Variants in POU2F1 observed in about 807,000 individuals in gnomAD.
POU2F1 encodes POU class 2 homeobox 1.
In POU2F1, 16 loss-of-function variants were observed where a neutral mutation model predicts 84.9. The observed-to-expected ratio is 0.19, with a 90% confidence interval of 0.13 to 0.29. The LOEUF is 0.29. Among genes scored for constraint, POU2F1 ranks in the 10% least tolerant of loss-of-function variants. The probability of loss-of-function intolerance (pLI) is 1.00; values close to 1 mark genes in which losing one functional copy is unlikely to be tolerated. For synonymous variants in POU2F1, 368 were observed against 368.3 expected (o/e 1.00, Z 0.01); for missense variants, 738 against 942.6 (o/e 0.78, Z 2.84).
chr1:167,409,761 A>G (rs1338869272), intron 13 of POU2F1, among the ~76,000 whole-genome samples: 2 of 152,212 alleles, frequency 1.3e-5, no homozygotes, highest in African/African-American at 2.4e-5. Context: ...AGAAATAACT[A>G]TTTTAAGCCT....
intron 1 of POU2F1, among the ~76,000 whole-genome samples, chr1:167,237,946 A>AT (rs1649628236): frequency 6.6e-6 from 1 of 151,002 alleles, no homozygotes; most frequent in African/African-American, 2.4e-5. Context: ...CACCCGGCTA[A>AT]TTTTTTTGTA....
At chr1:167,260,045 A>T (rs1557852547) in intron 1 of POU2F1, among the ~76,000 whole-genome samples, 2 of 151,834 alleles carry the variant, frequency 1.3e-5, no homozygotes, top group African/African-American at 4.8e-5. Context: ...CGCCCGGCAA[A>T]TTTTTTGTAT....
At chr1:167,319,439 A>C (rs939773724) in intron 1 of POU2F1, among the ~76,000 whole-genome samples, 4 of 152,046 alleles carry the variant, frequency 2.6e-5, no homozygotes, top group African/African-American at 9.7e-5. Context: ...ATTCAGTTGC[A>C]TATGTGGTGT....
intron 1 of POU2F1, among the ~76,000 whole-genome samples, chr1:167,305,835 T>C (rs1397679026): frequency 6.6e-6 from 1 of 152,216 alleles, no homozygotes; most frequent in Non-Finnish European, 1.5e-5. Flanking sequence ...TAAGTACACT[T>C]CTACCACTCA....
chr1:167,280,467 A>G (rs561014965), intron 1 of POU2F1, among the ~76,000 whole-genome samples: 31 of 152,250 alleles, frequency 2.0e-4, no homozygotes, highest in Non-Finnish European at 2.5e-4. Context: ...TAGGCTCTCA[A>G]TAAAACAGTT....
At chr1:167,329,737 A>G (rs1002626466) in intron 1 of POU2F1, among the ~76,000 whole-genome samples, 2 of 152,162 alleles carry the variant, frequency 1.3e-5, no homozygotes, top group Admixed American at 6.5e-5. Context: ...TCAGTGAAAA[A>G]TAAGGTTGAG....
intron 9 of POU2F1, among the ~76,000 whole-genome samples, chr1:167,390,459 A>C (rs970606837): frequency 5.9e-5 from 9 of 152,136 alleles, no homozygotes; most frequent in African/African-American, 2.2e-4. Context: ...TATATTAGCT[A>C]AAAGGGGAAA....
intron 3 of POU2F1, among the ~76,000 whole-genome samples, chr1:167,366,838 A>G (rs1659710310): frequency 6.6e-6 from 1 of 152,178 alleles, no homozygotes; most frequent in Non-Finnish European, 1.5e-5. Context: ...GGTTCCTAAG[A>G]GGAATAGCAT....
At chr1:167,239,640 A>T (rs1649755959) in intron 1 of POU2F1, among the ~76,000 whole-genome samples, 1 of 152,214 alleles carries the variant, frequency 6.6e-6, no homozygotes, top group Non-Finnish European at 1.5e-5. Context: ...CCCTTGAAGA[A>T]CAATATACTT....
intron 2 of POU2F1, among the ~76,000 whole-genome samples, chr1:167,346,181 T>TA (rs1557912371): frequency 6.6e-6 from 1 of 151,568 alleles, no homozygotes; most frequent in African/African-American, 2.4e-5. Context: ...GATTTTTTTT[T>TA]AAAAAAAGAA....
intron 2 of POU2F1, among the ~76,000 whole-genome samples, chr1:167,355,213 G>A (rs984385733): frequency 1.5e-5 from 2 of 132,082 alleles, no homozygotes; most frequent in Non-Finnish European, 3.3e-5. Context: ...CTAGTTTTTT[G>A]TTTTTTGTTT....
At chr1:167,262,643 A>G (rs557061266) in intron 1 of POU2F1, among the ~76,000 whole-genome samples, 1 of 152,214 alleles carries the variant, frequency 6.6e-6, no homozygotes, top group Non-Finnish European at 1.5e-5. Flanking sequence ...AAATCATTCA[A>G]TGTAGAATGT....
chr1:167,280,083 A>G (rs1379248246), intron 1 of POU2F1, among the ~76,000 whole-genome samples: 1 of 151,466 alleles, frequency 6.6e-6, no homozygotes, highest in African/African-American at 2.4e-5. Flanking sequence ...AATCTCAGCT[A>G]GTCTGGAGGT....
chr1:167,228,767 TTA>T (rs2102334158), intron 1 of POU2F1, among the ~76,000 whole-genome samples: 1 of 152,354 alleles, frequency 6.6e-6, no homozygotes, highest in African/African-American at 2.4e-5. Context: ...TAAACTCTTT[TTA>T]TCTTGTTTTA....
intron 15 of POU2F1, chr1:167,414,739 C>T (rs1427512657): frequency 2.1e-5 from 21 of 979,504 alleles, no homozygotes; most frequent in Non-Finnish European, 2.5e-5. Flanking sequence ...ATTCATCATT[C>T]TCCTTTGCAC....
At chr1:167,301,951 AT>A (rs1394115907) in intron 1 of POU2F1, among the ~76,000 whole-genome samples, 1 of 152,138 alleles carries the variant, frequency 6.6e-6, no homozygotes, top group Non-Finnish European at 1.5e-5. Context: ...GTAATAAAAT[AT>A]CTTAATAAGG....
intron 1 of POU2F1, among the ~76,000 whole-genome samples, chr1:167,310,241 G>T (rs1243556027): frequency 2.6e-5 from 4 of 151,988 alleles, no homozygotes; most frequent in African/African-American, 9.7e-5. Context: ...ACCAGGAAAG[G>T]GGGGAAGGGA....
At chr1:167,406,991 C>T (rs895478699) in intron 13 of POU2F1, among the ~76,000 whole-genome samples, 3 of 151,384 alleles carry the variant, frequency 2.0e-5, no homozygotes, top group Non-Finnish European at 4.4e-5. Context: ...GGTTTATCCA[C>T]ATTATAGCAT....
At chr1:167,390,076 GAGCATC>G (rs1648286370) in intron 9 of POU2F1, among the ~76,000 whole-genome samples, 1 of 152,294 alleles carries the variant, frequency 6.6e-6, no homozygotes, top group Middle Eastern at 3.4e-3. Context: ...TGGAGGACTT[GAGCATC>G]AGTGGATTTT....
Sources: gnomAD v4.1 joint callset for allele counts (sites outside exome capture counted in the v4.1 genomes callset) on GRCh38, gnomAD v4.1.1 for gene constraint, MANE v1.5 for transcripts, NCBI Gene and HGNC (gene_info 2026-07-23, HGNC 2026-07-21) for gene names.